The following CROCC variants were observed in gnomAD, a reference collection of about 807,000 sequenced individuals.
CROCC encodes ciliary rootlet coiled-coil, rootletin.
A neutral mutation model predicts 245.2 loss-of-function variants in CROCC; 180 were observed. The ratio of observed to expected loss-of-function variants is 0.73; its 90% CI spans 0.65 to 0.83. CROCC has a LOEUF of 0.83. CROCC is among the 40% of genes least tolerant of loss of function. The pLI is 0.00. For missense variants in CROCC, 2,688 were observed against 2,779.4 expected, an observed-to-expected ratio of 0.97 and a Z score of 0.74; for synonymous variants, 1,205 against 1,241.6, an observed-to-expected ratio of 0.97 and a Z score of 0.62.
intron 17 of CROCC, among the ~76,000 whole-genome samples, chr1:16,947,947 G>C (rs1470294651): frequency 6.6e-6 from 1 of 152,188 alleles, no homozygotes; most frequent in African/African-American, 2.4e-5. Context: ...TAAGCTGTTC[G>C]CCTGCCTCAG....
rs1375352560 is a variant in CROCC, at chr1:16,948,479, C to T, written c.2663C>T (p.Ala888Val). The T allele has an allele frequency of 1.9e-5, 29 of 1,554,816 alleles. No homozygotes were observed. Among genetic ancestry groups the T allele is most frequent in the South Asian group, 5.9e-5 (5 of 84,482 alleles). The change falls in exon 18 of 37, where the codon GCG (alanine) becomes GTG (valine). Residue 888 changes from alanine to valine, a missense_variant. Physicochemically the swap from Ala to Val is moderately conservative, Grantham distance 64. Transcript: ENST00000375541. The part of the protein sequence containing the change: ...HAGLAVQLVA[A>V]EREGRTLSEE... ...GGCCTGGCTGTGCAGCTGGTGGCTG[C>T]GGAGCGTGAAGGCAGGACCCTGTCA...
Position 16,966,610 on chromosome 1 carries a change from CTG to C in CROCC, c.4860+43_4860+44del. 1 of 1,449,156 alleles carries C rather than the reference CTG, an allele frequency of 6.9e-7. No individual in the cohort carries two copies. Among genetic ancestry groups the C allele is most frequent in the East Asian group, 2.5e-5 (1 of 39,642 alleles). 89.8% of individuals were successfully genotyped at this position (1,449,156 alleles called of 1,614,324 possible). On this transcript the variant is annotated intron_variant, in intron 30 of 36. Transcript: ENST00000375541. The surrounding 1 kb of genome is among the most constrained non-coding windows in gnomAD (Gnocchi z 4.8). ...GAGGGCCAGCGGGGCGACGGGGAAT[CTG>C]TGTACCCGAGTGAGTGTCTAACTCT...
chr1:16,938,925 C>A lies in CROCC; in HGVS notation c.1391C>A (p.Ser464Tyr), dbSNP rs774907284. The change falls in exon 12 of 37, where the codon TCT becomes TAT. Residue 464 changes from serine (S) to tyrosine (Y), a missense_variant. By Grantham distance (144) the Ser-to-Tyr change is moderately radical. Around this residue, in one of 9 missense-constraint regions of CROCC, gnomAD observed 972 missense variants for 895.3 expected, o/e 1.09. Transcript: ENST00000375541. The stretch of plus-strand genomic sequence containing the variant: ...CACCCTCAGGCCGTCTTGTCAGACT[C>A]TGAGAGCGGCGTCCAGCTGAGCGGC... Reference protein sequence around the residue: ...RDLAQAVLSDSESGVQLSGSE... With the variant: ...RDLAQAVLSDYESGVQLSGSE... 6.2e-7 allele frequency: 1 copy of A among 1,602,870 alleles called. No homozygotes were observed. The highest frequency in any genetic ancestry group is 2.3e-5 in the East Asian group (1 of 44,400).
At chr1:16,965,697 C>G in intron 27 of CROCC, 26 bp from the exon 28 acceptor site, 1 of 1,549,694 alleles carries the variant, frequency 6.5e-7, no homozygotes, top group Middle Eastern at 2.0e-4. Flanking sequence ...TTCTGCATCA[C>G]TGAGCAAGTC....
At position 16,931,315 on chromosome 1, in the gene CROCC, G is replaced by A. The variant is rs768236725; in HGVS notation, c.874G>A (p.Glu292Lys). 2.5e-5 allele frequency: 40 copies of A among 1,611,978 alleles called. No homozygotes were observed. The highest frequency in any genetic ancestry group is 1.7e-4 in the Admixed American group (10 of 59,942). ...GTCCTTCAACGCCTACTTCAGCAAC[G>A]AGCACAGTCGCCTGCTCCTCCTCTG... ...EESFNAYFSNEHSRLLLLWRQ... is the reference protein window; with the variant it reads ...EESFNAYFSNKHSRLLLLWRQ... The change falls in exon 8 of 37, where the codon GAG becomes AAG. Residue 292 changes from glutamate (E) to lysine (K), a missense_variant. By Grantham distance (56) the Glu-to-Lys change is moderately conservative (BLOSUM62 1). Coordinates refer to ENST00000375541, the MANE Select transcript of CROCC (RefSeq NM_014675.5).
chr1:16,929,745 C>T, intron 3 of CROCC, 101 bp from the exon 4 acceptor site: 2 of 1,437,072 alleles, frequency 1.4e-6, no homozygotes, highest in Non-Finnish European at 1.8e-6. Context: ...TATCAGCCTA[C>T]AAGGCATTGT....
intron 17 of CROCC, among the ~76,000 whole-genome samples, chr1:16,947,933 G>A (rs1296209629): frequency 1.4e-4 from 21 of 152,220 alleles, no homozygotes; most frequent in African/African-American, 4.6e-4. Context: ...CCGCCTCCAG[G>A]GTTTAAGCTG....
At chr1:16,927,082 C>T (rs113303546) in intron 3 of CROCC, among the ~76,000 whole-genome samples, 2,334 of 151,410 alleles carry the variant, frequency 0.015, no homozygotes, top group African/African-American at 0.054. Context: ...AGTGTGTACA[C>T]GACATGGGCT....
At chr1:16,930,374 G>A (rs2075643180) in intron 6 of CROCC, 27 bp downstream of exon 6, 1 of 1,611,138 alleles carries the variant, frequency 6.2e-7, no homozygotes, top group Non-Finnish European at 8.5e-7. Flanking sequence ...GAGGGCCAGG[G>A]CTGGCAGGAT....
chr1:16,937,056 C>A (rs1341803668), intron 9 of CROCC, among the ~76,000 whole-genome samples, 183 bp downstream of exon 9: 1 of 152,278 alleles, frequency 6.6e-6, no homozygotes, highest in Admixed American at 6.5e-5. Flanking sequence ...AGCTTAGCCT[C>A]CTATGGCAGA....
In CROCC at chr1:16,953,347, A is replaced by C; in HGVS notation, c.3052A>C (p.Ser1018Arg). The C allele has an allele frequency of 6.2e-7, 1 of 1,606,418 alleles. No homozygotes were observed. Among genetic ancestry groups the C allele is most frequent in the East Asian group, 2.2e-5 (1 of 44,698 alleles). The change falls in exon 21 of 37, where the codon AGT becomes CGT. Residue 1018 changes from serine to arginine, a missense_variant. By Grantham distance (110) the Ser-to-Arg change is moderately radical. Around this residue, in one of 9 missense-constraint regions of CROCC, gnomAD observed 106 missense variants for 126.1 expected, o/e 0.84. Transcript: ENST00000375541. ...ELEAERAQLQ[S>R]QLQREQEELL... ...GGAGGCCGAGCGGGCCCAGCTGCAGAGTCAGCTGCAGCGTGAGCAGGAGGA... is the reference window on the plus strand; with the variant it reads ...GGAGGCCGAGCGGGCCCAGCTGCAGCGTCAGCTGCAGCGTGAGCAGGAGGA...
chr1:16,953,205 G>C (rs1000437740), intron 20 of CROCC, 97 bp from the exon 21 acceptor site: 27 of 1,072,768 alleles, frequency 2.5e-5, no homozygotes, highest in Non-Finnish European at 3.6e-5. Flanking sequence ...ATCTCTGAGG[G>C]TATGGGGGCC....
chr1:16,952,566 C>T (rs111979748), intron 20 of CROCC, among the ~76,000 whole-genome samples: 1,810 of 152,214 alleles, frequency 0.012, 19 homozygotes, highest in Middle Eastern at 0.034. Flanking sequence ...CACCTGCCCT[C>T]AGGCTCCCCA....
Position 16,969,791 on chromosome 1 carries a change from C to T in CROCC, c.5308C>T (p.Leu1770=), listed in dbSNP as rs1475717917. Residue 1770 remains leucine, a synonymous_variant, in exon 33 of 37, where the codon CTG becomes TTG. Coordinates refer to ENST00000375541, the MANE Select transcript of CROCC (RefSeq NM_014675.5). ...EHDRQVLQER[L]DAARQALSEA... Reference sequence around the variant, plus strand: ...ATCAGCCCCTGTCCCCCAGGAACGGCTGGATGCCGCCCGGCAGGCATTATC... The same window carrying T: ...ATCAGCCCCTGTCCCCCAGGAACGGTTGGATGCCGCCCGGCAGGCATTATC... 1 of 1,612,598 alleles carries T rather than the reference C, an allele frequency of 6.2e-7. No homozygotes were observed. The highest frequency in any genetic ancestry group is 8.5e-7 in the Non-Finnish European group (1 of 1,179,464).
Position 16,966,354 on chromosome 1 carries a change from T to G in CROCC, c.4697-54T>G. The G allele has an allele frequency of 6.8e-7, 1 of 1,473,380 alleles. No homozygotes were observed. The highest frequency in any genetic ancestry group is 9.0e-7 in the Non-Finnish European group (1 of 1,110,832). The allele number at this position is 1,473,380 out of a possible 1,614,324, so 91.3% of individuals were successfully genotyped here. A position where few individuals can be genotyped will look rare whatever the true frequency, so the allele number is the denominator to read the frequency against. The stretch of plus-strand genomic sequence containing the variant: ...CAGGCTGGACATTTTGTGACCTGGT[T>G]TGGGTCTCGGGGCTGTGCTTGGCCA... On this transcript the variant is annotated intron_variant, in intron 29 of 36. Coordinates refer to ENST00000375541, the MANE Select transcript of CROCC (RefSeq NM_014675.5). The surrounding 1 kb of genome is among the most constrained non-coding windows in gnomAD (Gnocchi z 4.8).
At chr1:16,938,188 G>A (rs1570627699) in intron 10 of CROCC, among the ~76,000 whole-genome samples, 3 of 152,366 alleles carry the variant, frequency 2.0e-5, no homozygotes, top group Admixed American at 6.5e-5. Context: ...TCCTGCAATC[G>A]ACTGTGTGAC....
At chr1:16,950,701 T>C (rs1166334934) in intron 19 of CROCC, among the ~76,000 whole-genome samples, 1 of 152,220 alleles carries the variant, frequency 6.6e-6, no homozygotes, top group Non-Finnish European at 1.5e-5. Flanking sequence ...TGGGAGGCCT[T>C]CTCATCAGTC....
Position 16,937,635 on chromosome 1 carries a change from C to T in CROCC, c.1194-6C>T, listed in dbSNP as rs778436872. The T allele has an allele frequency of 1.9e-6, 3 of 1,609,594 alleles. No homozygotes were observed. Among genetic ancestry groups the T allele is most frequent in the East Asian group, 4.5e-5 (2 of 44,874 alleles). ...GTATTCACCTCTGTTGCTCCCCCAA[C>T]TCCAGAGTGACAGAGCTGGGCCTGG... On this transcript the variant is annotated splice_region_variant and splice_polypyrimidine_tract_variant and intron_variant, in intron 9 of 36. Transcript: ENST00000375541.
At chr1:16,944,326 C>T in intron 14 of CROCC, 44 bp downstream of exon 14, 2 of 1,476,514 alleles carry the variant, frequency 1.4e-6, no homozygotes, top group Non-Finnish European at 9.0e-7. Context: ...TCAGATGTGC[C>T]TCGGGTCCCC....
Sources: allele counts gnomAD v4.1 joint callset (sites outside exome capture counted in the v4.1 genomes callset), GRCh38; gene constraint gnomAD v4.1.1; regional missense constraint gnomAD v4.1.1; non-coding constraint Gnocchi (gnomAD v3.1); transcripts MANE v1.5; gene names NCBI Gene and HGNC (gene_info 2026-07-23, HGNC 2026-07-21).